Variants in C1QTNF5 observed in about 807,000 individuals in gnomAD.
C1QTNF5 encodes the protein C1q and TNF related 5.
C1QTNF5 carries 5 observed loss-of-function variants against 10.9 expected under a neutral mutation model. That is an observed-to-expected ratio of 0.46 (90% CI 0.24 to 0.97). The LOEUF (loss-of-function observed/expected upper bound fraction) is 0.97. Ranked by LOEUF, C1QTNF5 falls within the 50% of genes least tolerant of loss-of-function variation. The probability of loss-of-function intolerance (pLI) is 0.19; values close to 1 mark genes in which losing one functional copy is unlikely to be tolerated. For missense variants in C1QTNF5, 281 were observed against 339.4 expected (o/e 0.83, Z 1.35); for synonymous variants, 161 against 156.5 (o/e 1.03, Z -0.22).
upstream of C1QTNF5, chr11:119,343,674 A>T: frequency 9.6e-7 from 1 of 1,037,252 alleles, no homozygotes; most frequent in Non-Finnish European, 1.5e-6. Context: ...AGCTGTCTTT[A>T]GGGTGATGGT....
At position 119,340,361 on chromosome 11, in the gene C1QTNF5, C is replaced by T. The variant is rs1444774049; in HGVS notation, c.37G>A (p.Ala13Thr). 5.2e-6 allele frequency: 8 copies of T among 1,544,002 alleles called. No homozygotes were observed. The Admixed American group carries it at 1.4e-4, about 27-fold the overall frequency. The change falls in exon 2 of 3, where the codon GCG becomes ACG. Residue 13 changes from alanine (A) to threonine (T), a missense_variant. Transcript: ENST00000528368. ...PLLVLLLLGL[A>T]AGSPPLDDNK... ...TCGTCCAGTGGGGGCGAGCCGGCCG[C>T]CAGGCCCAGGAGCAGCAGGACGAGG...
Position 119,339,402 on chromosome 11 carries a change from T to A in C1QTNF5, c.661A>T (p.Ile221Phe). 1 of 1,613,388 alleles carries A rather than the reference T, an allele frequency of 6.2e-7. No individual in the cohort carries two copies. Among genetic ancestry groups the A allele is most frequent in the Non-Finnish European group, 8.5e-7 (1 of 1,179,474 alleles). ...CCGGAGAAGGTGCTGTCTGTCTTGA[T>A]GCTGGCATAGATGCCAATGTAGTCA... is the stretch of plus-strand genomic sequence containing the variant. The part of the protein sequence containing the change: ...VGDYIGIYAS[I>F]KTDSTFSGFL... Residue 221 changes from isoleucine to phenylalanine, a missense_variant, in exon 3 of 3, where the codon ATC becomes TTC. Physicochemically the swap from Ile to Phe is conservative, Grantham distance 21. Transcript: ENST00000528368. This position sits in a 1 kb window ranked among gnomAD's most constrained non-coding sequence, Gnocchi z 5.4.
Position 119,340,254 on chromosome 11 carries a change from G to T in C1QTNF5, c.144C>A (p.Gly48=). The change falls in exon 2 of 3, where the codon GGC becomes GGA. Residue 48 remains glycine, a synonymous_variant. Coordinates refer to ENST00000528368, the MANE Select transcript of C1QTNF5 (RefSeq NM_001278431.2). ...CGTCGCGGCCGTCGCGGCCATCGCGGCCCGGCAAGCCCTGGCTGCCATGGT... is the reference window on the plus strand; with the variant it reads ...CGTCGCGGCCGTCGCGGCCATCGCGTCCCGGCAAGCCCTGGCTGCCATGGT... ...PGHHGSQGLP[G]RDGRDGRDGA... is the part of the protein sequence containing the mutation. 1 of 1,515,792 alleles carries T rather than the reference G, an allele frequency of 6.6e-7. No individual in the cohort carries two copies. 93.9% of individuals were successfully genotyped at this position (1,515,792 alleles called of 1,614,324 possible).
chr11:119,346,384 G>A, the C1QTNF5 span: 5 of 1,613,540 alleles, frequency 3.1e-6, no homozygotes, highest in African/African-American at 5.3e-5. Context: ...TCTGGAAGGG[G>A]GAGATACTTG....
Position 119,339,950 on chromosome 11 carries a change from C to A in C1QTNF5, c.215-102G>T. Reference sequence around the variant, plus strand: ...GTACCCCTCCCCGCCCCTGCCTGAGCTTCGGCCAGCGCCTCCTCCCGCACG... The same window carrying A: ...GTACCCCTCCCCGCCCCTGCCTGAGATTCGGCCAGCGCCTCCTCCCGCACG... On this transcript the variant is annotated intron_variant, in intron 2 of 2. Transcript: ENST00000528368. This position sits in a 1 kb window ranked among gnomAD's most constrained non-coding sequence, Gnocchi z 5.4. The A allele has an allele frequency of 1.4e-6, 2 of 1,380,464 alleles. No individual in the cohort carries two copies. Among genetic ancestry groups the A allele is most frequent in the South Asian group, 3.1e-5 (2 of 64,626 alleles). The allele number at this position is 1,380,464 out of a possible 1,614,324, so 85.5% of individuals were successfully genotyped here.
chr11:119,344,778 T>C (rs747549856), upstream of C1QTNF5: 3 of 1,613,514 alleles, frequency 1.9e-6, no homozygotes, highest in South Asian at 1.1e-5. Flanking sequence ...GCACCAGGAG[T>C]CAGGGAGGCC....
chr11:119,344,319 T>G (rs142198552), upstream of C1QTNF5: 2 of 1,613,754 alleles, frequency 1.2e-6, no homozygotes, highest in African/African-American at 1.3e-5. Flanking sequence ...GCTTACCAGT[T>G]GGTGAGGGTA....
At chr11:119,341,170 C>T, upstream of C1QTNF5, 6 of 283,350 alleles carry the variant, frequency 2.1e-5, no homozygotes, top group South Asian at 2.4e-4. Context: ...ATCCCTAGGG[C>T]CTAGGACAGG....
Position 119,339,896 on chromosome 11 carries a change from C to G in C1QTNF5, c.215-48G>C. The G allele has an allele frequency of 7.0e-7, 1 of 1,431,440 alleles. No homozygotes were observed. The highest frequency in any genetic ancestry group is 1.5e-5 in the South Asian group (1 of 67,526). The allele number at this position is 1,431,440 out of a possible 1,614,324, so 88.7% of individuals were successfully genotyped here. ...GGGTGAGAGTAGCGGCGGCTCAGCC[C>G]GCAGCGGGGCGGCGACTCTAAGGTC... is the stretch of plus-strand genomic sequence containing the variant. On this transcript the variant is annotated intron_variant, in intron 2 of 2. Transcript: ENST00000528368. This position sits in a 1 kb window ranked among gnomAD's most constrained non-coding sequence, Gnocchi z 5.4.
chr11:119,343,999 C>T, upstream of C1QTNF5: 1 of 1,608,956 alleles, frequency 6.2e-7, no homozygotes, highest in Non-Finnish European at 8.5e-7. Context: ...ATTCATGGCC[C>T]CTTCTCCTGT....
chr11:119,340,287 C>T lies in C1QTNF5; in HGVS notation c.111G>A (p.Thr37=), dbSNP rs1374459892. ...LCPGHPGLPG[T]PGHHGSQGLP... ...AGCCCTGGCTGCCATGGTGGCCCGG[C>T]GTGCCTGGAAGGCCGGGGTGCCCCG... The change falls in exon 2 of 3, where the codon ACG becomes ACA. Residue 37 remains threonine (T), a synonymous_variant. Coordinates refer to ENST00000528368, the MANE Select transcript of C1QTNF5 (RefSeq NM_001278431.2). The T allele has an allele frequency of 2.8e-5, 43 of 1,531,480 alleles. No individual in the cohort carries two copies. The Admixed American group carries it at 8.4e-4, about 30-fold the overall frequency. The allele number at this position is 1,531,480 out of a possible 1,614,324, so 94.9% of individuals were successfully genotyped here.
Position 119,340,738 on chromosome 11 carries a change from A to C in C1QTNF5, c.-87T>G. Reference sequence around the variant, plus strand: ...GATGGCCTCCTTCGGGGCGCTCGCTACTCCGGACCCTCCAGTTGGTGGTGC... The same window carrying C: ...GATGGCCTCCTTCGGGGCGCTCGCTCCTCCGGACCCTCCAGTTGGTGGTGC... On this transcript the variant is annotated 5_prime_UTR_variant, in exon 1 of 3. Transcript: ENST00000528368. 4 of 319,260 alleles carry C rather than the reference A, an allele frequency of 1.3e-5. No homozygotes were observed. The highest frequency in any genetic ancestry group is 3.6e-5 in the South Asian group (1 of 27,966). The allele number at this position is 319,260 out of a possible 1,614,324, so 19.8% of individuals were successfully genotyped here.
Position 119,340,136 on chromosome 11 carries a change from G to C in C1QTNF5, c.214+48C>G, listed in dbSNP as rs1298086690. On this transcript the variant is annotated intron_variant, in intron 2 of 2. Coordinates refer to ENST00000528368, the MANE Select transcript of C1QTNF5 (RefSeq NM_001278431.2). ...GACACCGGGAGCTGGAGCTGCGGCC[G>C]CGCCTGCTCGGACATCGCCACCGAT... 4.7e-6 allele frequency: 7 copies of C among 1,489,306 alleles called. No homozygotes were observed. The South Asian group carries it at 7.8e-5, about 17-fold the overall frequency. 92.3% of individuals were successfully genotyped at this position (1,489,306 alleles called of 1,614,324 possible).
chr11:119,339,034 G>C lies in C1QTNF5; in HGVS notation c.*297C>G, dbSNP rs1950468231. 1 of 358,936 alleles carries C rather than the reference G, an allele frequency of 2.8e-6. No individual in the cohort carries two copies. The highest frequency in any genetic ancestry group is 5.1e-6 in the Non-Finnish European group (1 of 196,720). The allele number at this position is 358,936 out of a possible 1,614,324, so 22.2% of individuals were successfully genotyped here. A position where few individuals can be genotyped will look rare whatever the true frequency, so the allele number is the denominator to read the frequency against. On this transcript the variant is annotated 3_prime_UTR_variant, in exon 3 of 3. Transcript: ENST00000528368. This position sits in a 1 kb window ranked among gnomAD's most constrained non-coding sequence, Gnocchi z 5.4. ...GAGGATCCAGAGAAGCAGAGGACCA[G>C]GAAGAGAGCACCCCACCGTGGGCTC...
At chr11:119,344,838 A>C (rs764295276), upstream of C1QTNF5, 1 of 1,613,464 alleles carries the variant, frequency 6.2e-7, no homozygotes, top group Non-Finnish European at 8.5e-7. Flanking sequence ...AGGGGAAGAA[A>C]GTGGACACTC....
the C1QTNF5 span, chr11:119,346,421 G>A: frequency 6.2e-7 from 1 of 1,610,304 alleles, no homozygotes; most frequent in African/African-American, 1.3e-5. Flanking sequence ...GTGACCACTG[G>A]TGCTGGGTCT....
chr11:119,346,577 T>C, the C1QTNF5 span: 2 of 1,543,338 alleles, frequency 1.3e-6, no homozygotes. Flanking sequence ...AAGGGCCCAC[T>C]CGCTGACCAC....
chr11:119,345,048 G>C, upstream of C1QTNF5: 1 of 1,584,774 alleles, frequency 6.3e-7, no homozygotes, highest in Non-Finnish European at 8.6e-7. Flanking sequence ...CCAAGAGCAG[G>C]GTCAGCCAGA....
At chr11:119,343,644 G>A (rs567896929), upstream of C1QTNF5, among the ~76,000 whole-genome samples, 1 of 152,306 alleles carries the variant, frequency 6.6e-6, no homozygotes, top group African/African-American at 2.4e-5. Flanking sequence ...GAGAGTGTGG[G>A]GTGAAGGTTT....
Sources: gnomAD v4.1 joint callset for allele counts (sites outside exome capture counted in the v4.1 genomes callset) on GRCh38, gnomAD v4.1.1 for gene constraint, Gnocchi (gnomAD v3.1) non-coding constraint, MANE v1.5 for transcripts, NCBI Gene and HGNC (gene_info 2026-07-23, HGNC 2026-07-21) for gene names.